The following SRFBP1 variants were observed in gnomAD, a reference collection of about 807,000 sequenced individuals.
The protein encoded by SRFBP1 is serum response factor-binding protein 1.
In SRFBP1, 47 loss-of-function variants were observed where a neutral mutation model predicts 45.5. The observed-to-expected ratio is 1.03, with a 90% confidence interval of 0.82 to 1.32. The LOEUF is 1.32. SRFBP1 is among the 40% of genes most tolerant of loss of function. The probability of loss-of-function intolerance (pLI) is 0.00; values close to 1 mark genes in which losing one functional copy is unlikely to be tolerated. For synonymous variants in SRFBP1, 203 were observed against 166.3 expected, an observed-to-expected ratio of 1.22 and a Z score of -1.70; for missense variants, 621 against 484.6, an observed-to-expected ratio of 1.28 and a Z score of -2.64.
intron 1 of SRFBP1, among the ~76,000 whole-genome samples, chr5:121,973,749 AAAAT>A (rs370286343): frequency 2.6e-5 from 4 of 151,864 alleles, no homozygotes; most frequent in African/African-American, 4.8e-5. Context: ...ATAAATATGT[AAAAT>A]AAATTGCTAA....
At chr5:121,971,274 T>C (rs1352018900) in intron 1 of SRFBP1, among the ~76,000 whole-genome samples, 1 of 151,900 alleles carries the variant, frequency 6.6e-6, no homozygotes, top group Non-Finnish European at 1.5e-5. Context: ...TCAGCCAAGA[T>C]TGCAAAAAGG....
chr5:122,046,200 C>T (rs978407828), intron 2 of SRFBP1, among the ~76,000 whole-genome samples: 9 of 152,076 alleles, frequency 5.9e-5, no homozygotes, highest in South Asian at 2.1e-4. Flanking sequence ...CTCCACCCCC[C>T]CTCACCCCAC....
chr5:122,032,115 T>A (rs1007206995), downstream of SRFBP1, among the ~76,000 whole-genome samples: 1 of 152,206 alleles, frequency 6.6e-6, no homozygotes, highest in Non-Finnish European at 1.5e-5. Context: ...GTGAATATTG[T>A]GTGAATCATA....
intron 2 of SRFBP1, among the ~76,000 whole-genome samples, chr5:122,061,871 A>G (rs1216889417): frequency 2.0e-5 from 3 of 152,002 alleles, no homozygotes; most frequent in Non-Finnish European, 4.4e-5. Context: ...TTGGATATCC[A>G]GTATCCTTAT....
rs144462443 is a variant in SRFBP1, at chr5:121,984,444, A to G, written c.198+9057A>G. ...AGGTTATTGGCATGTTATTTCAAAC[A>G]TGAAACTCTGTTTGGATTGCCTTTT... is the stretch of plus-strand genomic sequence containing the variant. On this transcript the variant is annotated intron_variant, in intron 3 of 7. Coordinates refer to ENST00000339397, the MANE Select transcript of SRFBP1 (RefSeq NM_152546.3). Among the ~76,000 whole-genome samples the G allele has an allele frequency of 5.0e-4, 76 of 151,920 alleles. 1 individual carries two copies. Among genetic ancestry groups the G allele is most frequent in the African/African-American group, 1.8e-3 (73 of 41,528 alleles).
chr5:121,993,404 C>A (rs1020326876), intron 3 of SRFBP1, among the ~76,000 whole-genome samples: 14 of 152,270 alleles, frequency 9.2e-5, no homozygotes, highest in Admixed American at 2.6e-4. Context: ...CCTATGACAT[C>A]ATCACAAACC....
At position 122,066,643 on chromosome 5, in the gene SRFBP1, C is replaced by T; in HGVS notation, n.312-8672C>T. 3.1e-6 allele frequency: 3 copies of T among 964,906 alleles called. 1 individual carries two copies. The South Asian group carries it at 4.6e-5, about 15-fold the overall frequency. 59.8% of individuals were successfully genotyped at this position (964,906 alleles called of 1,614,324 possible). A position where few individuals can be genotyped will look rare whatever the true frequency, so the allele number is the denominator to read the frequency against. The stretch of plus-strand genomic sequence containing the variant: ...AAAAATTCTTTTGTTGTTTTCTGTT[C>T]TCTTTTTCAAAATACATAAATCCTA... On this transcript the variant is annotated intron_variant and non_coding_transcript_variant, in intron 2 of 2. Coordinates refer to the SRFBP1 transcript ENST00000504881.
intron 2 of SRFBP1, among the ~76,000 whole-genome samples, chr5:122,059,103 A>G (rs1339722168): frequency 6.6e-6 from 1 of 152,142 alleles, no homozygotes; most frequent in Non-Finnish European, 1.5e-5. Context: ...AAAGAAGAGT[A>G]TGTCGTTTTT....
At chr5:122,004,350 C>G (rs1021343872) in intron 4 of SRFBP1, among the ~76,000 whole-genome samples, 1 of 151,940 alleles carries the variant, frequency 6.6e-6, no homozygotes, top group African/African-American at 2.4e-5. Flanking sequence ...TGTGGATATC[C>G]AGTTGTCCCA....
At position 122,020,557 on chromosome 5, in the gene SRFBP1, CATG is replaced by C. The variant is rs1753291737; in HGVS notation, c.823_825del (p.Met275del). On this transcript the variant is annotated inframe_deletion, in exon 6 of 8. Coordinates refer to ENST00000339397, the MANE Select transcript of SRFBP1 (RefSeq NM_152546.3). ...AAGAAAGGTTTTACAAGCAGTCTTCCATGTCTGAAGATAGTGATAGCGGTGACG... is the reference window on the plus strand; with the variant it reads ...AAGAAAGGTTTTACAAGCAGTCTTCCTCTGAAGATAGTGATAGCGGTGACG... The C allele has an allele frequency of 1.2e-6, 2 of 1,613,980 alleles. No homozygotes were observed. Among genetic ancestry groups the C allele is most frequent in the South Asian group, 2.2e-5 (2 of 91,084 alleles).
At chr5:121,998,249 A>C (rs1033150788) in intron 4 of SRFBP1, among the ~76,000 whole-genome samples, 3 of 152,000 alleles carry the variant, frequency 2.0e-5, no homozygotes, top group African/African-American at 7.3e-5. Context: ...GCAATAGCAA[A>C]GACTTGGAAC....
intron 2 of SRFBP1, among the ~76,000 whole-genome samples, chr5:122,062,038 C>G (rs1349511409): frequency 2.0e-5 from 3 of 151,752 alleles, no homozygotes; most frequent in Admixed American, 2.0e-4. Flanking sequence ...AGACTCGTGA[C>G]AAAACAAATT....
chr5:122,008,222 G>A (rs891556171), intron 4 of SRFBP1, among the ~76,000 whole-genome samples: 3 of 152,012 alleles, frequency 2.0e-5, no homozygotes, highest in Admixed American at 6.6e-5. Flanking sequence ...AGCTGAGGGC[G>A]GTTCAGAACC....
chr5:122,045,907 TGA>T (rs1310837172), intron 2 of SRFBP1, among the ~76,000 whole-genome samples: 1 of 152,140 alleles, frequency 6.6e-6, no homozygotes, highest in Non-Finnish European at 1.5e-5. Flanking sequence ...ATAGGAGTGG[TGA>T]GAGAGAACAT....
downstream of SRFBP1, among the ~76,000 whole-genome samples, chr5:122,028,967 A>G (rs931280652): frequency 3.3e-5 from 5 of 152,178 alleles, no homozygotes; most frequent in Admixed American, 2.6e-4. Flanking sequence ...TCTGGGATGC[A>G]GTGAAGTTAC....
At chr5:122,008,110 C>T (rs1753015142) in intron 4 of SRFBP1, among the ~76,000 whole-genome samples, 1 of 152,088 alleles carries the variant, frequency 6.6e-6, no homozygotes, top group Admixed American at 6.5e-5. Flanking sequence ...ACAGGTCTGA[C>T]AGGGGCTGAC....
At chr5:121,993,999 T>G (rs1035737195) in intron 3 of SRFBP1, among the ~76,000 whole-genome samples, 1 of 152,164 alleles carries the variant, frequency 6.6e-6, no homozygotes, top group Non-Finnish European at 1.5e-5. Flanking sequence ...ATGTGATAAT[T>G]TTTATCAATA....
At chr5:122,043,731 A>C (rs1753807474) in intron 2 of SRFBP1, among the ~76,000 whole-genome samples, 1 of 152,148 alleles carries the variant, frequency 6.6e-6, no homozygotes, top group Non-Finnish European at 1.5e-5. Flanking sequence ...TTTTTGTAAC[A>C]GATGAGGTTG....
chr5:122,057,658 C>T (rs563584771), intron 2 of SRFBP1, among the ~76,000 whole-genome samples: 5 of 151,556 alleles, frequency 3.3e-5, no homozygotes, highest in South Asian at 4.2e-4. Context: ...AAAAAAAATA[C>T]TGATTTTGAT....
Sources: gnomAD v4.1 joint callset for allele counts (sites outside exome capture counted in the v4.1 genomes callset) on GRCh38, gnomAD v4.1.1 for gene constraint, MANE v1.5 for transcripts, NCBI Gene and HGNC (gene_info 2026-07-23, HGNC 2026-07-21) for gene names.